The following CCDC88A variants were observed in gnomAD, a reference collection of about 807,000 sequenced individuals.
CCDC88A encodes the protein girdin.
A neutral mutation model predicts 234.3 loss-of-function variants in CCDC88A; 54 were observed. That is an observed-to-expected ratio of 0.23 (90% CI 0.19 to 0.29). The LOEUF is 0.29. Among genes scored for constraint, CCDC88A ranks in the 10% least tolerant of loss-of-function variants. The pLI, the probability that CCDC88A is intolerant of heterozygous loss-of-function variation, is 1.00. For synonymous variants in CCDC88A, 753 were observed against 737.8 expected (o/e 1.02, Z -0.33); for missense variants, 1,832 against 2,123.4 (o/e 0.86, Z 2.70).
intron 26 of CCDC88A, 23 bp from the exon 27 acceptor site, chr2:55,302,095 T>A: frequency 6.4e-7 from 1 of 1,561,152 alleles, no homozygotes; most frequent in Non-Finnish European, 8.8e-7. Context: ...TGAAAGCAAA[T>A]GAATCAGCAT....
chr2:55,382,520 A>AT (rs1338491650), intron 3 of CCDC88A, among the ~76,000 whole-genome samples: 3 of 152,168 alleles, frequency 2.0e-5, no homozygotes, highest in African/African-American at 7.2e-5. Context: ...GACAACTAAA[A>AT]TTTGTTTACT....
At chr2:55,343,826 A>G in intron 11 of CCDC88A, 34 bp from the exon 12 acceptor site, 1 of 1,545,094 alleles carries the variant, frequency 6.5e-7, no homozygotes, top group Non-Finnish European at 8.7e-7. Flanking sequence ...GAGAGAAAAA[A>G]GCTAAGAAAC....
intron 7 of CCDC88A, among the ~76,000 whole-genome samples, chr2:55,360,078 ATG>A (rs1195533856): frequency 6.6e-6 from 1 of 152,176 alleles, no homozygotes; most frequent in African/African-American, 2.4e-5. Context: ...ATAAAACAGT[ATG>A]TGTTAAACTT....
At chr2:55,364,096 T>C in intron 5 of CCDC88A, 63 bp from the exon 6 acceptor site, 1 of 752,560 alleles carries the variant, frequency 1.3e-6, no homozygotes, top group African/African-American at 1.8e-5. Flanking sequence ...AAATGTTATA[T>C]ATAACTAAAA....
At chr2:55,323,046 A>G (rs1393800700) in intron 17 of CCDC88A, 1 of 160,128 alleles carries the variant, frequency 6.2e-6, no homozygotes, top group East Asian at 1.8e-4. Context: ...CGTAAAGCAC[A>G]AAGATTTGAC....
At chr2:55,347,678 C>G (rs1486467191) in intron 9 of CCDC88A, among the ~76,000 whole-genome samples, 1 of 134,506 alleles carries the variant, frequency 7.4e-6, no homozygotes, top group Non-Finnish European at 1.5e-5. Context: ...GTGGCACAAT[C>G]TCAACTCACT....
chr2:55,289,752 A>T lies in CCDC88A; in HGVS notation c.*1448T>A, dbSNP rs1679310721. 1 of 118,210 alleles carries T rather than the reference A, an allele frequency of 8.5e-6. No individual in the cohort carries two copies. Among genetic ancestry groups the T allele is most frequent in the African/African-American group, 3.0e-5 (1 of 32,798 alleles). The allele number at this position is 118,210 out of a possible 1,614,324, so 7.3% of individuals were successfully genotyped here. ...CAACATTGCTACTGGCCTACGAAAG[A>T]GAGAGAGAAAGAGGGAGAGAGAAAG... On this transcript the variant is annotated 3_prime_UTR_variant, in exon 33 of 33. Transcript: ENST00000436346.
intron 17 of CCDC88A, among the ~76,000 whole-genome samples, chr2:55,326,159 C>T (rs982738977): frequency 5.6e-5 from 8 of 143,678 alleles, no homozygotes; most frequent in African/African-American, 2.1e-4. Context: ...GTACTTTCTT[C>T]CCTGTTTCTT....
intron 6 of CCDC88A, among the ~76,000 whole-genome samples, chr2:55,362,666 T>C (rs1671472520): frequency 6.6e-6 from 1 of 151,978 alleles, no homozygotes; most frequent in African/African-American, 2.4e-5. Flanking sequence ...ATTCATTTTC[T>C]AGTCAACAAA....
At position 55,296,461 on chromosome 2, in the gene CCDC88A, G is replaced by A; in HGVS notation, c.4888C>T (p.His1630Tyr). The A allele has an allele frequency of 1.2e-6, 2 of 1,614,196 alleles. No homozygotes were observed. Among genetic ancestry groups the A allele is most frequent in the Non-Finnish European group, 1.7e-6 (2 of 1,180,038 alleles). ...SHSSGEFSLL[H>Y]DHEAWSSSGS... Reference sequence around the variant, plus strand: ...CTGCTGGACCAAGCCTCATGGTCATGAAGCAGGCTAAATTCTCCACTGCTG... The same window carrying A: ...CTGCTGGACCAAGCCTCATGGTCATAAAGCAGGCTAAATTCTCCACTGCTG... Residue 1630 changes from histidine (H) to tyrosine (Y), a missense_variant, in exon 30 of 33, where the codon CAT (histidine) becomes TAT (tyrosine). By Grantham distance (83) the His-to-Tyr change is moderately conservative. Transcript: ENST00000436346.
At chr2:55,344,238 A>G in intron 11 of CCDC88A, 130 bp downstream of exon 11, 1 of 517,718 alleles carries the variant, frequency 1.9e-6, no homozygotes, top group Non-Finnish European at 3.2e-6. Context: ...GAGGCATCTA[A>G]TTTATTTAGC....
At chr2:55,314,257 T>C (rs1216826546) in intron 22 of CCDC88A, 3 of 152,026 alleles carry the variant, frequency 2.0e-5, no homozygotes, top group Admixed American at 6.6e-5. Flanking sequence ...CATCAGTGAG[T>C]AGATTAGCAT....
intron 23 of CCDC88A, among the ~76,000 whole-genome samples, chr2:55,310,831 C>G (rs780095942): frequency 6.6e-6 from 1 of 152,174 alleles, no homozygotes; most frequent in Non-Finnish European, 1.5e-5. Context: ...AAGTTGTTAA[C>G]AAGGCTGGAG....
At chr2:55,380,390 A>T (rs973094069) in intron 3 of CCDC88A, among the ~76,000 whole-genome samples, 12 of 152,172 alleles carry the variant, frequency 7.9e-5, no homozygotes, top group Non-Finnish European at 1.3e-4. Context: ...AGTTTCACTA[A>T]ATAAGTGGAA....
chr2:55,385,132 A>G (rs1037785235), intron 3 of CCDC88A, among the ~76,000 whole-genome samples: 2 of 152,080 alleles, frequency 1.3e-5, no homozygotes, highest in Admixed American at 6.6e-5. Context: ...CACTGCCACT[A>G]CTACTATCAC....
At position 55,364,104 on chromosome 2, in the gene CCDC88A, A is replaced by C. The variant is rs564623301; in HGVS notation, c.403-71T>G. On this transcript the variant is annotated intron_variant, in intron 5 of 32. Transcript: ENST00000436346. ...GTCCTTAAAATGTTATATATAACTA[A>C]AACTTTATGAGGTTTGCTATATTTT... The C allele has an allele frequency of 6.0e-6, 4 of 671,186 alleles. No homozygotes were observed. In the East Asian group the frequency reaches 1.2e-4, roughly 20 times the overall value. The allele number at this position is 671,186 out of a possible 1,614,324, so 41.6% of individuals were successfully genotyped here.
intron 28 of CCDC88A, 126 bp downstream of exon 28, chr2:55,301,069 GGTAGAGGTAAC>G (rs1222830050): frequency 1.6e-6 from 1 of 613,634 alleles, no homozygotes; most frequent in African/African-American, 1.9e-5. Context: ...TTGAAGAAAT[GGTAGAGGTAAC>G]TATGAGATGC....
Position 55,416,448 on chromosome 2 carries a change from ATAT to A in CCDC88A, c.164+2365_164+2367del, listed in dbSNP as rs1681456551. ...GTCAAATAAATAAATAAATAAATAT[ATAT>A]ATATATATATATATATATATATATA... On this transcript the variant is annotated intron_variant, in intron 2 of 32. Transcript: ENST00000436346. Among the ~76,000 whole-genome samples, 4 of 64,970 alleles carry A rather than the reference ATAT, an allele frequency of 6.2e-5. No individual in the cohort carries two copies. The South Asian group carries it at 1.4e-3, about 22-fold the overall frequency. The allele number at this position is 64,970 out of a possible 152,430, so 42.6% of individuals were successfully genotyped here. A position where few individuals can be genotyped will look rare whatever the true frequency, so the allele number is the denominator to read the frequency against.
intron 31 of CCDC88A, 126 bp from the exon 32 acceptor site, chr2:55,291,901 T>G: frequency 1.7e-6 from 1 of 605,996 alleles, no homozygotes; most frequent in Non-Finnish European, 2.9e-6. Context: ...GGGAAAATTA[T>G]TAATCTCATA....
Sources: gnomAD v4.1 joint callset for allele counts (sites outside exome capture counted in the v4.1 genomes callset) on GRCh38, gnomAD v4.1.1 for gene constraint, MANE v1.5 for transcripts, NCBI Gene and HGNC (gene_info 2026-07-23, HGNC 2026-07-21) for gene names.